Variants in COMMD1 observed in about 807,000 individuals in gnomAD.
The protein encoded by COMMD1 is copper metabolism domain containing 1.
COMMD1 carries 10 observed loss-of-function variants against 17.2 expected under a neutral mutation model. That is an observed-to-expected ratio of 0.58 (90% confidence interval 0.36 to 0.99). COMMD1 has a LOEUF of 0.99. COMMD1 is among the 50% of genes least tolerant of loss of function. The pLI is 0.01. For synonymous variants in COMMD1, 97 were observed against 91.6 expected (o/e 1.06, Z -0.34); for missense variants, 270 against 231.8 (o/e 1.17, Z -1.07).
At chr2:62,044,148 G>A (rs762483915) in intron 2 of COMMD1, among the ~76,000 whole-genome samples, 1 of 152,050 alleles carries the variant, frequency 6.6e-6, no homozygotes, top group African/African-American at 2.4e-5. Flanking sequence ...AAATATGTCA[G>A]TAATTGAATT....
intron 2 of COMMD1, among the ~76,000 whole-genome samples, chr2:62,032,705 T>A (rs1020434303): frequency 2.0e-5 from 3 of 152,150 alleles, no homozygotes; most frequent in Non-Finnish European, 2.9e-5. Context: ...CTTTTTCTGT[T>A]GGTTTAGCTT....
chr2:62,128,497 A>T (rs1388798841), intron 2 of COMMD1, among the ~76,000 whole-genome samples: 3 of 152,124 alleles, frequency 2.0e-5, no homozygotes. Context: ...CGAAAGCAAA[A>T]ATTGACAAAC....
chr2:61,892,714 G>C (rs1261372820), intron 1 of COMMD1, among the ~76,000 whole-genome samples: 3 of 150,214 alleles, frequency 2.0e-5, no homozygotes, highest in African/African-American at 7.4e-5. Flanking sequence ...AAAAAGAAAA[G>C]AAAAGAAGAG....
At chr2:62,129,810 G>A (rs1407194056) in intron 2 of COMMD1, among the ~76,000 whole-genome samples, 2 of 152,098 alleles carry the variant, frequency 1.3e-5, no homozygotes, top group African/African-American at 4.8e-5. Flanking sequence ...TGGGTCAAAG[G>A]GTTATTTTAA....
intron 1 of COMMD1, among the ~76,000 whole-genome samples, chr2:61,988,592 T>G (rs1672165962): frequency 6.6e-6 from 1 of 152,132 alleles, no homozygotes; most frequent in South Asian, 2.1e-4. Context: ...GGAAGGAGTC[T>G]CTTTTGGAGC....
chr2:61,941,425 A>AT (rs1312838142), intron 1 of COMMD1, among the ~76,000 whole-genome samples: 5 of 152,234 alleles, frequency 3.3e-5, no homozygotes, highest in African/African-American at 4.8e-5. Context: ...AGGGGTACCC[A>AT]TGTAAAAGGG....
chr2:62,077,651 C>G (rs1212822572), intron 2 of COMMD1, among the ~76,000 whole-genome samples: 1 of 151,692 alleles, frequency 6.6e-6, no homozygotes, highest in Non-Finnish European at 1.5e-5. Context: ...GAGCCAAACT[C>G]TGTAAAATAT....
chr2:61,981,805 C>G (rs955292683), intron 1 of COMMD1, among the ~76,000 whole-genome samples: 7 of 152,114 alleles, frequency 4.6e-5, no homozygotes, highest in Non-Finnish European at 1.0e-4. Flanking sequence ...ATTCAATTAC[C>G]TGCCACTGGG....
At chr2:62,092,293 G>A (rs1158102211) in intron 2 of COMMD1, among the ~76,000 whole-genome samples, 1 of 152,192 alleles carries the variant, frequency 6.6e-6, no homozygotes, top group Non-Finnish European at 1.5e-5. Context: ...ATATTCTATA[G>A]CAAGGAAAGT....
intron 1 of COMMD1, among the ~76,000 whole-genome samples, chr2:61,990,901 TATACACACAC>T (rs1478090217): frequency 2.3e-5 from 1 of 42,702 alleles, no homozygotes; most frequent in African/African-American, 6.8e-5. Flanking sequence ...AATATATATA[TATACACACAC>T]ACACACACAC....
At chr2:61,906,534 A>G (rs1019850067) in intron 1 of COMMD1, among the ~76,000 whole-genome samples, 6 of 152,222 alleles carry the variant, frequency 3.9e-5, no homozygotes, top group Non-Finnish European at 8.8e-5. Context: ...CTTAAAGCAC[A>G]TATCTCGGAC....
At position 61,915,637 on chromosome 2, in the gene COMMD1, T is replaced by G. The variant is rs1304297146; in HGVS notation, c.180+9779T>G. On this transcript the variant is annotated intron_variant, in intron 1 of 2. Coordinates refer to ENST00000311832, the MANE Select transcript of COMMD1 (RefSeq NM_152516.4). ...TTTGAGTAGCTGAAACTGTAAATGCTCACCACCATGCCTGCCTAATTTTTT... is the reference window on the plus strand; with the variant it reads ...TTTGAGTAGCTGAAACTGTAAATGCGCACCACCATGCCTGCCTAATTTTTT... The G allele has an allele frequency of 6.7e-6, 3 of 445,044 alleles. No homozygotes were observed. In the East Asian group the frequency reaches 2.2e-4, roughly 32 times the overall value. The allele number at this position is 445,044 out of a possible 1,614,324, so 27.6% of individuals were successfully genotyped here.
At chr2:61,901,254 A>AT (rs1043172328), upstream of COMMD1, among the ~76,000 whole-genome samples, 15 of 151,656 alleles carry the variant, frequency 9.9e-5, no homozygotes, top group East Asian at 1.9e-4. Context: ...ACCAAAACAC[A>AT]TTTTTTTAAA....
At chr2:62,084,606 A>T (rs1671609718) in intron 2 of COMMD1, among the ~76,000 whole-genome samples, 1 of 152,156 alleles carries the variant, frequency 6.6e-6, no homozygotes, top group Non-Finnish European at 1.5e-5. Flanking sequence ...ATTCTGTTTT[A>T]TGATTTCTGA....
rs79696630 is a variant in COMMD1, at chr2:61,949,121, T to G, written c.180+43263T>G. ...AGACCCTGTCTCTTAAAGCAAAAATTTAAAAATGAAGCCATTGAAGTTCTA... is the reference window on the plus strand; with the variant it reads ...AGACCCTGTCTCTTAAAGCAAAAATGTAAAAATGAAGCCATTGAAGTTCTA... On this transcript the variant is annotated intron_variant, in intron 1 of 2. Transcript: ENST00000311832. 9.1e-3 allele frequency among the ~76,000 whole-genome samples: 1,380 copies of G among 152,178 alleles called. 8 individuals carry two copies. Among genetic ancestry groups the G allele is most frequent in the Non-Finnish European group, 0.015 (992 of 68,002 alleles).
intron 2 of COMMD1, among the ~76,000 whole-genome samples, chr2:62,132,632 G>A (rs1024776569): frequency 2.0e-5 from 3 of 152,236 alleles, no homozygotes; most frequent in Admixed American, 2.0e-4. Context: ...ATCACTTGAG[G>A]TCAGGAGTTC....
chr2:61,955,203 T>C (rs1013086056), intron 1 of COMMD1, among the ~76,000 whole-genome samples: 3 of 152,076 alleles, frequency 2.0e-5, no homozygotes, highest in Non-Finnish European at 1.5e-5. Flanking sequence ...TTTAAATGTT[T>C]TGCTGCTGGG....
At chr2:62,116,498 C>G (rs1209518049) in intron 2 of COMMD1, among the ~76,000 whole-genome samples, 2 of 151,476 alleles carry the variant, frequency 1.3e-5, no homozygotes, top group African/African-American at 4.9e-5. Context: ...ATGGCGAAAC[C>G]CCGTCTCTAC....
rs746096998 is a variant in COMMD1, at chr2:62,032,582, T to C, written c.462+31600T>C. On this transcript the variant is annotated intron_variant, in intron 2 of 2. Transcript: ENST00000311832. ...AAAAAACCTACAAACCATTGACTCA[T>C]GGAAATAAAAAATCATATCTGCTGT... Among the ~76,000 whole-genome samples the C allele has an allele frequency of 2.6e-5, 4 of 152,220 alleles. No individual in the cohort carries two copies. In the East Asian group the frequency reaches 7.7e-4, roughly 29 times the overall value.
Sources: gnomAD v4.1 joint callset for allele counts (sites outside exome capture counted in the v4.1 genomes callset) on GRCh38, gnomAD v4.1.1 for gene constraint, MANE v1.5 for transcripts, NCBI Gene and HGNC (gene_info 2026-07-23, HGNC 2026-07-21) for gene names.